The following LRRIQ1 variants were observed in gnomAD, a reference collection of about 807,000 sequenced individuals.
LRRIQ1 encodes the protein leucine rich repeats and IQ motif containing 1, also known as leucine-rich repeat- and IQ domain-containing protein 1.
LRRIQ1 carries 210 observed loss-of-function variants against 211.9 expected under a neutral mutation model. The observed-to-expected ratio is 0.99, with a 90% CI of 0.89 to 1.11. LRRIQ1 has a LOEUF of 1.11. LRRIQ1 is among the 50% of genes most tolerant of loss of function. LRRIQ1 has a pLI of 0.00. For synonymous variants in LRRIQ1, 699 were observed against 650.1 expected, an observed-to-expected ratio of 1.08 and a Z score of -1.14; for missense variants, 2,136 against 1,939.5, an observed-to-expected ratio of 1.10 and a Z score of -1.90.
intron 10 of LRRIQ1, 92 bp from the exon 11 acceptor site, chr12:85,072,815 C>G (rs1218200221): frequency 1.6e-5 from 12 of 742,366 alleles, no homozygotes; most frequent in Non-Finnish European, 2.2e-5. Context: ...TTTTTTGCTC[C>G]AGGTTTAAAT....
chr12:85,081,731 T>C, intron 11 of LRRIQ1, among the ~76,000 whole-genome samples: 1 of 145,658 alleles, frequency 6.9e-6, no homozygotes. Context: ...TTCTTTTTTT[T>C]TTTTTTTTTT....
At chr12:85,232,050 T>C (rs1894967213) in intron 25 of LRRIQ1, among the ~76,000 whole-genome samples, 1 of 152,026 alleles carries the variant, frequency 6.6e-6, no homozygotes, top group Non-Finnish European at 1.5e-5. Context: ...ATAAGAAAAA[T>C]GTTTCATGAT....
chr12:85,090,792 A>C (rs1885309806), intron 11 of LRRIQ1, among the ~76,000 whole-genome samples: 1 of 152,188 alleles, frequency 6.6e-6, no homozygotes, highest in Non-Finnish European at 1.5e-5. Context: ...GAAATGAGTT[A>C]AGACTTTAGG....
chr12:85,241,710 G>A (rs1446192994), intron 26 of LRRIQ1, among the ~76,000 whole-genome samples: 1 of 151,828 alleles, frequency 6.6e-6, no homozygotes, highest in African/African-American at 2.4e-5. Context: ...TATAAAACTC[G>A]CTTTCTCCCT....
At chr12:85,257,599 C>G (rs1223150347) in intron 1 of LRRIQ1, among the ~76,000 whole-genome samples, 1 of 151,642 alleles carries the variant, frequency 6.6e-6, no homozygotes, top group Non-Finnish European at 1.5e-5. Context: ...TAGGTATTAA[C>G]TATTTCAGTG....
intron 24 of LRRIQ1, among the ~76,000 whole-genome samples, chr12:85,167,077 T>G (rs1592913955): frequency 6.6e-6 from 1 of 152,222 alleles, no homozygotes; most frequent in Non-Finnish European, 1.5e-5. Flanking sequence ...ACATGCTGTT[T>G]GCTTTGCCAA....
chr12:85,104,116 T>C, intron 14 of LRRIQ1, 39 bp downstream of exon 14: 1 of 1,082,884 alleles, frequency 9.2e-7, no homozygotes, highest in Non-Finnish European at 1.3e-6. Context: ...ATAATAGACT[T>C]TTGACTTTCT....
intron 24 of LRRIQ1, among the ~76,000 whole-genome samples, chr12:85,224,366 C>G (rs1894546998): frequency 6.6e-6 from 1 of 151,998 alleles, no homozygotes; most frequent in South Asian, 2.1e-4. Flanking sequence ...ACCATTTGAC[C>G]CAGCAATCCC....
At chr12:85,058,488 G>C (rs1418493941) in intron 8 of LRRIQ1, among the ~76,000 whole-genome samples, 1 of 151,934 alleles carries the variant, frequency 6.6e-6, no homozygotes, top group Non-Finnish European at 1.5e-5. Flanking sequence ...ATGGCTTCAT[G>C]CCTACAGTGT....
chr12:85,200,231 T>A (rs1447522461), intron 24 of LRRIQ1, among the ~76,000 whole-genome samples: 1 of 152,140 alleles, frequency 6.6e-6, no homozygotes, highest in Non-Finnish European at 1.5e-5. Flanking sequence ...TTGTGCCCAT[T>A]GTGAGTAGGA....
rs373911771 is a variant in LRRIQ1, at chr12:85,098,358, G to T, written c.2891G>T (p.Gly964Val). Residue 964 changes from glycine (G) to valine (V), a missense_variant, in exon 12 of 27, where the codon GGT (glycine) becomes GTT (valine). By Grantham distance (109) the Gly-to-Val change is moderately radical. Transcript: ENST00000393217. ...TCTTATAACTTTTTTCTTCTAGGTG[G>T]TTTAGAATCTTTGAAAAATCTTCAA... ...FLISHLYWNCGLESLKNLQQL... is the reference protein window; with the variant it reads ...FLISHLYWNCVLESLKNLQQL... The T allele has an allele frequency of 6.3e-7, 1 of 1,598,520 alleles. No homozygotes were observed. Among genetic ancestry groups the T allele is most frequent in the Admixed American group, 1.7e-5 (1 of 59,220 alleles).
At chr12:85,180,030 C>A (rs1891900583) in intron 24 of LRRIQ1, among the ~76,000 whole-genome samples, 2 of 151,912 alleles carry the variant, frequency 1.3e-5, no homozygotes, top group African/African-American at 4.8e-5. Flanking sequence ...TCTTTGGATT[C>A]TCAGAAACAC....
intron 24 of LRRIQ1, among the ~76,000 whole-genome samples, chr12:85,223,459 T>C (rs573124788): frequency 6.6e-6 from 1 of 152,324 alleles, no homozygotes; most frequent in East Asian, 1.9e-4. Context: ...AATATAATTG[T>C]TAGATAAGCC....
At chr12:85,063,801 A>G (rs955416423) in intron 8 of LRRIQ1, among the ~76,000 whole-genome samples, 5 of 151,572 alleles carry the variant, frequency 3.3e-5, no homozygotes, top group Admixed American at 1.3e-4. Flanking sequence ...AAGTTTGTCT[A>G]TCTGTACTGG....
At chr12:85,044,957 T>C (rs541503721) in intron 4 of LRRIQ1, 148 bp downstream of exon 4, 73 of 415,952 alleles carry the variant, frequency 1.8e-4, no homozygotes, top group African/African-American at 1.4e-3. Context: ...TGTGGTTTTA[T>C]GGTTTCTTCT....
intron 1 of LRRIQ1, among the ~76,000 whole-genome samples, chr12:85,257,142 AT>A (rs369375998): frequency 8.4e-5 from 10 of 118,452 alleles, no homozygotes; most frequent in South Asian, 2.2e-4. Flanking sequence ...TATATTATAT[AT>A]TTATATGATT....
At chr12:85,155,721 C>G (rs1296236564) in intron 23 of LRRIQ1, among the ~76,000 whole-genome samples, 1 of 151,606 alleles carries the variant, frequency 6.6e-6, no homozygotes, top group African/African-American at 2.4e-5. Flanking sequence ...AATAAATAGC[C>G]TCCAGTAGTG....
intron 5 of LRRIQ1, among the ~76,000 whole-genome samples, chr12:85,046,811 A>G (rs1343311372): frequency 6.6e-6 from 1 of 152,218 alleles, no homozygotes; most frequent in Non-Finnish European, 1.5e-5. Context: ...ACCATGGAAT[A>G]TTACGCAGCC....
chr12:85,216,069 C>T (rs1416772292), intron 24 of LRRIQ1, among the ~76,000 whole-genome samples: 3 of 152,240 alleles, frequency 2.0e-5, no homozygotes, highest in Admixed American at 6.5e-5. Context: ...ATGTGCGGAA[C>T]GTGCAGGTTC....
Sources: gnomAD v4.1 joint callset for allele counts (sites outside exome capture counted in the v4.1 genomes callset) on GRCh38, gnomAD v4.1.1 for gene constraint, MANE v1.5 for transcripts, NCBI Gene and HGNC (gene_info 2026-07-23, HGNC 2026-07-21) for gene names.